EIF3H: variants seen among roughly 807,000 people sequenced by gnomAD.
EIF3H encodes the protein eukaryotic translation initiation factor 3 subunit H.
In EIF3H, 26 loss-of-function variants were observed where a neutral mutation model predicts 44.2. That is an observed-to-expected ratio of 0.59 (90% confidence interval 0.43 to 0.82). The LOEUF is 0.82. Among genes scored for constraint, EIF3H ranks in the 40% least tolerant of loss-of-function variants. The pLI is 0.00. For missense variants in EIF3H, 359 were observed against 432.8 expected, an observed-to-expected ratio of 0.83 and a Z score of 1.51; for synonymous variants, 166 against 151.9, an observed-to-expected ratio of 1.09 and a Z score of -0.68.
At chr8:116,661,426 T>A (rs1363323208) in intron 2 of EIF3H, among the ~76,000 whole-genome samples, 2 of 152,202 alleles carry the variant, frequency 1.3e-5, no homozygotes, top group African/African-American at 2.4e-5. Context: ...AGACTTGGAA[T>A]CTAGAGGTCG....
chr8:116,757,398 T>A (rs901062085), upstream of EIF3H, among the ~76,000 whole-genome samples: 1 of 152,204 alleles, frequency 6.6e-6, no homozygotes, highest in Non-Finnish European at 1.5e-5. Flanking sequence ...CCTAATTTCA[T>A]TCCTATCTCA....
chr8:116,694,398 T>C (rs918368641), intron 2 of EIF3H, among the ~76,000 whole-genome samples: 1 of 152,250 alleles, frequency 6.6e-6, no homozygotes, highest in Non-Finnish European at 1.5e-5. Context: ...ATTTGTATCT[T>C]TTCTTGTGAA....
intron 2 of EIF3H, among the ~76,000 whole-genome samples, chr8:116,685,654 C>G (rs1003612411): frequency 6.6e-6 from 1 of 152,158 alleles, no homozygotes. Context: ...GAAAGAAAAA[C>G]TGAGCAAGTC....
chr8:116,674,882 A>C (rs1360293690), intron 2 of EIF3H, among the ~76,000 whole-genome samples: 1 of 152,008 alleles, frequency 6.6e-6, no homozygotes, highest in Non-Finnish European at 1.5e-5. Context: ...GTTCAGGTGC[A>C]AAAAAAGTTG....
intron 2 of EIF3H, among the ~76,000 whole-genome samples, chr8:116,666,655 ACT>A (rs1399427196): frequency 6.7e-6 from 1 of 149,776 alleles, no homozygotes; most frequent in Non-Finnish European, 1.5e-5. Flanking sequence ...ACCATGAAGA[ACT>A]CTCATATAAA....
In EIF3H at chr8:116,689,276, G is replaced by C. The variant is rs1368862257; in HGVS notation, c.290-30296C>G. On this transcript the variant is annotated intron_variant, in intron 2 of 7. Coordinates refer to ENST00000521861, the MANE Select transcript of EIF3H (RefSeq NM_003756.3). The stretch of plus-strand genomic sequence containing the variant: ...ATTTGAGGATACCAGAGACTGGGAA[G>C]GAAGGGTGATGGGGTTTCTCTTTAA... 1.1e-5 allele frequency: 3 copies of C among 285,012 alleles called. 1 individual carries two copies. Among genetic ancestry groups the C allele is most frequent in the Non-Finnish European group, 2.1e-5 (3 of 140,336 alleles). 17.7% of individuals were successfully genotyped at this position (285,012 alleles called of 1,614,324 possible).
chr8:116,682,804 GAA>G (rs1563641943), intron 2 of EIF3H, among the ~76,000 whole-genome samples: 4 of 152,140 alleles, frequency 2.6e-5, no homozygotes, highest in African/African-American at 9.7e-5. Context: ...CTAATCAAGA[GAA>G]TATATAAAAT....
chr8:116,719,328 C>G (rs1814707305), intron 2 of EIF3H, among the ~76,000 whole-genome samples: 1 of 152,142 alleles, frequency 6.6e-6, no homozygotes, highest in Non-Finnish European at 1.5e-5. Flanking sequence ...CACCATCAAG[C>G]CTGTCATCTC....
chr8:116,703,768 G>T (rs1814421154), intron 2 of EIF3H, among the ~76,000 whole-genome samples: 1 of 152,068 alleles, frequency 6.6e-6, no homozygotes, highest in South Asian at 2.1e-4. Flanking sequence ...CAGGCATTTG[G>T]GGCCACTACC....
At chr8:116,756,717 G>A (rs1387035081), upstream of EIF3H, among the ~76,000 whole-genome samples, 5 of 152,132 alleles carry the variant, frequency 3.3e-5, no homozygotes. Context: ...AATCTGGGAG[G>A]AGAAATAGTT....
chr8:116,685,876 C>A (rs67991519), intron 2 of EIF3H, among the ~76,000 whole-genome samples: 43,465 of 152,092 alleles, frequency 0.29, 7,042 homozygotes, highest in African/African-American at 0.44. Flanking sequence ...AAGATCTGCA[C>A]AGCAGGAGAA....
intron 2 of EIF3H, among the ~76,000 whole-genome samples, chr8:116,718,392 A>G (rs1162783281): frequency 6.6e-6 from 1 of 152,206 alleles, no homozygotes; most frequent in African/African-American, 2.4e-5. Context: ...AAAAGAAGTC[A>G]CTATACAACA....
intron 2 of EIF3H, among the ~76,000 whole-genome samples, chr8:116,704,791 C>A (rs1431110776): frequency 6.6e-6 from 1 of 151,926 alleles, no homozygotes; most frequent in African/African-American, 2.4e-5. Flanking sequence ...GTATCTACAA[C>A]ACAAACTACT....
chr8:116,695,063 A>T (rs1814245179), intron 2 of EIF3H, among the ~76,000 whole-genome samples: 1 of 150,932 alleles, frequency 6.6e-6, no homozygotes, highest in African/African-American at 2.5e-5. Flanking sequence ...TAAACTTCCT[A>T]ATTCTTTTTT....
upstream of EIF3H, among the ~76,000 whole-genome samples, chr8:116,758,244 AAAG>A (rs1815480969): frequency 6.6e-6 from 1 of 152,218 alleles, no homozygotes; most frequent in African/African-American, 2.4e-5. Context: ...AATTCAGAGA[AAAG>A]AAAATAATCA....
At chr8:116,668,076 TTTGAGCCGTCAA>T (rs1364441348) in intron 2 of EIF3H, among the ~76,000 whole-genome samples, 3 of 152,186 alleles carry the variant, frequency 2.0e-5, no homozygotes, top group Admixed American at 1.3e-4. Flanking sequence ...GTTAAGAGGA[TTTGAGCCGTCAA>T]TTGTGACTAC....
At chr8:116,678,077 T>C (rs11994358) in intron 2 of EIF3H, among the ~76,000 whole-genome samples, 42,657 of 150,728 alleles carry the variant, frequency 0.28, 6,631 homozygotes, top group East Asian at 0.44. Flanking sequence ...CTCGGCTCAC[T>C]GCAACCTCCC....
At position 116,687,261 on chromosome 8, in the gene EIF3H, A is replaced by G. The variant is rs190608014; in HGVS notation, c.290-28281T>C. 1.1e-3 allele frequency among the ~76,000 whole-genome samples: 171 copies of G among 152,342 alleles called. No homozygotes were observed. In the Middle Eastern group the frequency reaches 0.024, roughly 21 times the overall value. On this transcript the variant is annotated intron_variant, in intron 2 of 7. Transcript: ENST00000521861. ...TTAAAAGGGGCTCATGGAAAAGTGCATCAACAAGAAAACATCAAAATTCCA... is the reference window on the plus strand; with the variant it reads ...TTAAAAGGGGCTCATGGAAAAGTGCGTCAACAAGAAAACATCAAAATTCCA...
intron 5 of EIF3H, among the ~76,000 whole-genome samples, chr8:116,650,348 A>G (rs1813367582): frequency 6.6e-6 from 1 of 152,150 alleles, no homozygotes; most frequent in African/African-American, 2.4e-5. Flanking sequence ...AAACCAAATT[A>G]CCATATAACC....
Sources: gnomAD v4.1 joint callset for allele counts (sites outside exome capture counted in the v4.1 genomes callset) on GRCh38, gnomAD v4.1.1 for gene constraint, MANE v1.5 for transcripts, NCBI Gene and HGNC (gene_info 2026-07-23, HGNC 2026-07-21) for gene names.